Variants in CYP2C18 observed in about 807,000 individuals in gnomAD.
CYP2C18 encodes cytochrome P450 family 2 subfamily C member 18.
CYP2C18 carries 38 observed loss-of-function variants against 41.3 expected under a neutral mutation model. The observed-to-expected ratio is 0.92, with a 90% CI of 0.71 to 1.21. The LOEUF (loss-of-function observed/expected upper bound fraction) is 1.21. CYP2C18 is among the 50% of genes most tolerant of loss of function. The pLI, the probability that CYP2C18 is intolerant of heterozygous loss-of-function variation, is 0.00. For missense variants in CYP2C18, 635 were observed against 591.4 expected, an observed-to-expected ratio of 1.07 and a Z score of -0.77; for synonymous variants, 236 against 210.0, an observed-to-expected ratio of 1.12 and a Z score of -1.07.
intron 6 of CYP2C18, among the ~76,000 whole-genome samples, chr10:94,720,744 T>G (rs1257282395): frequency 6.6e-6 from 1 of 152,118 alleles, no homozygotes; most frequent in Non-Finnish European, 1.5e-5. Flanking sequence ...GTGAAGACAG[T>G]GTGATCAGTA....
chr10:94,696,169 C>T (rs149147569), intron 4 of CYP2C18, among the ~76,000 whole-genome samples: 45 of 152,272 alleles, frequency 3.0e-4, no homozygotes, highest in East Asian at 2.9e-3. Context: ...GATCTGAGAA[C>T]GGACAGACTG....
At chr10:94,687,645 T>G in intron 1 of CYP2C18, 125 bp from the exon 2 acceptor site, 1 of 909,658 alleles carries the variant, frequency 1.1e-6, no homozygotes. Flanking sequence ...ATACAAATAT[T>G]TGAAGCTGTA....
intron 5 of CYP2C18, among the ~76,000 whole-genome samples, chr10:94,708,044 C>A (rs1291998366): frequency 6.6e-6 from 1 of 152,176 alleles, no homozygotes; most frequent in Non-Finnish European, 1.5e-5. Flanking sequence ...AGAATAAAAT[C>A]TTTCCTCTGA....
chr10:94,730,271 C>A (rs1050816191), intron 7 of CYP2C18, among the ~76,000 whole-genome samples: 4 of 152,098 alleles, frequency 2.6e-5, no homozygotes, highest in African/African-American at 9.7e-5. Context: ...ATTATGTAAG[C>A]AACTGTCCCC....
chr10:94,687,965 T>C, intron 2 of CYP2C18, 33 bp downstream of exon 2: 1 of 1,610,254 alleles, frequency 6.2e-7, no homozygotes, highest in Non-Finnish European at 8.5e-7. Context: ...TATGTGTACA[T>C]GTGTATGTAC....
At chr10:94,687,720 G>A in intron 1 of CYP2C18, 50 bp from the exon 2 acceptor site, 1 of 1,522,192 alleles carries the variant, frequency 6.6e-7, no homozygotes, top group Non-Finnish European at 9.0e-7. Flanking sequence ...ACAATATATA[G>A]ACCAAATACT....
At chr10:94,700,242 A>G (rs190888109) in intron 4 of CYP2C18, among the ~76,000 whole-genome samples, 21 of 152,376 alleles carry the variant, frequency 1.4e-4, no homozygotes, top group Admixed American at 1.2e-3. Flanking sequence ...ACAAGGCTAC[A>G]GTAAGCAAAA....
Position 94,687,796 on chromosome 10 carries a change from C to T in CYP2C18, c.195C>T (p.Phe65=), listed in dbSNP as rs1401646493. The T allele has an allele frequency of 6.2e-7, 1 of 1,613,502 alleles. No homozygotes were observed. The highest frequency in any genetic ancestry group is 8.5e-7 in the Non-Finnish European group (1 of 1,179,636). ...TNFSKVYGPV[F]TVYFGLKPIV... ...TCTCAAAAGTCTATGGCCCTGTGTT[C>T]ACTGTGTATTTTGGCCTGAAGCCCA... The change falls in exon 2 of 9, where the codon TTC becomes TTT. Residue 65 remains phenylalanine (F), a synonymous_variant. Coordinates refer to ENST00000285979, the MANE Select transcript of CYP2C18 (RefSeq NM_000772.3).
chr10:94,692,267 C>A (rs145941177), intron 3 of CYP2C18, among the ~76,000 whole-genome samples: 7,256 of 152,006 alleles, frequency 0.048, 235 homozygotes, highest in South Asian at 0.12. Context: ...AATTTTGCAA[C>A]CTACTCATCT....
intron 5 of CYP2C18, among the ~76,000 whole-genome samples, chr10:94,713,778 CTAGTT>C (rs1208411970): frequency 2.0e-5 from 3 of 152,198 alleles, no homozygotes; most frequent in Non-Finnish European, 4.4e-5. Flanking sequence ...AGTGGTTGAA[CTAGTT>C]TAAAGTCCCA....
chr10:94,691,848 A>G (rs567948479), intron 3 of CYP2C18, among the ~76,000 whole-genome samples: 8 of 152,354 alleles, frequency 5.3e-5, no homozygotes, highest in African/African-American at 1.9e-4. Context: ...GGAACAGAAC[A>G]GAGCCCTCAG....
intron 7 of CYP2C18, among the ~76,000 whole-genome samples, chr10:94,730,500 C>A (rs921002734): frequency 2.0e-5 from 3 of 152,104 alleles, no homozygotes. Flanking sequence ...GTTTAAGTAT[C>A]TTTAAATGAC....
At chr10:94,727,513 G>A (rs1346421843) in intron 7 of CYP2C18, among the ~76,000 whole-genome samples, 1 of 151,976 alleles carries the variant, frequency 6.6e-6, no homozygotes, top group Admixed American at 6.6e-5. Context: ...TACTTGGGAG[G>A]CTGAAGTGGG....
chr10:94,700,908 A>G (rs1847227782), intron 4 of CYP2C18, among the ~76,000 whole-genome samples: 2 of 152,222 alleles, frequency 1.3e-5, no homozygotes, highest in Non-Finnish European at 2.9e-5. Flanking sequence ...TGCAAATCAA[A>G]CCACAATGAG....
At chr10:94,733,987 C>A (rs1847877240) in intron 8 of CYP2C18, among the ~76,000 whole-genome samples, 1 of 152,010 alleles carries the variant, frequency 6.6e-6, no homozygotes, top group South Asian at 2.1e-4. Context: ...GTGGGGGAAT[C>A]TGCCTGCTTC....
At chr10:94,691,541 A>G (rs1470923686) in intron 3 of CYP2C18, among the ~76,000 whole-genome samples, 1 of 152,254 alleles carries the variant, frequency 6.6e-6, no homozygotes, top group Non-Finnish European at 1.5e-5. Context: ...AACAAATGGA[A>G]GAACATTCCA....
intron 4 of CYP2C18, among the ~76,000 whole-genome samples, chr10:94,697,284 A>G (rs543650037): frequency 9.2e-5 from 14 of 152,340 alleles, no homozygotes; most frequent in Admixed American, 2.6e-4. Context: ...CTGATCTCTC[A>G]GCAGAAACTC....
At chr10:94,733,494 C>A in intron 8 of CYP2C18, 56 bp downstream of exon 8, 1 of 1,602,570 alleles carries the variant, frequency 6.2e-7, no homozygotes, top group South Asian at 1.1e-5. Flanking sequence ...TTTTTGGGAT[C>A]AGTTGACTCT....
chr10:94,683,988 G>A lies in CYP2C18; in HGVS notation c.168+1G>A. On this transcript the variant is annotated splice_donor_variant, in intron 1 of 8. Coordinates refer to ENST00000285979, the MANE Select transcript of CYP2C18 (RefSeq NM_000772.3). LOFTEE classifies it high-confidence loss of function. ...GGACATGAGCAAATCCTTAACCAAT[G>A]TAAGTATGCTTTATGTTCCTCCAGT... is the stretch of plus-strand genomic sequence containing the variant. 2 of 1,596,658 alleles carry A rather than the reference G, an allele frequency of 1.3e-6. No homozygotes were observed. The highest frequency in any genetic ancestry group is 1.3e-5 in the African/African-American group (1 of 74,586).
Sources: allele counts gnomAD v4.1 joint callset (sites outside exome capture counted in the v4.1 genomes callset), GRCh38; gene constraint gnomAD v4.1.1; transcripts MANE v1.5; gene names NCBI Gene and HGNC (gene_info 2026-07-23, HGNC 2026-07-21).